Variants in SCTR observed in about 807,000 individuals in gnomAD.
The protein encoded by SCTR is secretin receptor.
In SCTR, 56 loss-of-function variants were observed where a neutral mutation model predicts 60.8. The ratio of observed to expected loss-of-function variants is 0.92; its 90% CI spans 0.74 to 1.15. The LOEUF is 1.15. Among genes scored for constraint, SCTR ranks in the 50% most tolerant of loss-of-function variants. The pLI is 0.00. For synonymous variants in SCTR, 202 were observed against 217.0 expected (o/e 0.93, Z 0.61); for missense variants, 562 against 550.4 (o/e 1.02, Z -0.21).
intron 12 of SCTR, 136 bp from the exon 13 acceptor site, chr2:119,440,393 C>A (rs1682612932): frequency 1.0e-6 from 1 of 965,828 alleles, no homozygotes; most frequent in Non-Finnish European, 1.5e-6. Context: ...GCAGGCCACG[C>A]AGATTGACTG....
In SCTR at chr2:119,465,710, G is replaced by A. The variant is rs1573834582; in HGVS notation, c.503+79C>T. ...AGTTCACTCAGACCTTCCTCTTTCT[G>A]TCCTGGGTGGTTGAGAAGAGACCCA... On this transcript the variant is annotated intron_variant, in intron 5 of 12. Transcript: ENST00000019103. 8 of 947,718 alleles carry A rather than the reference G, an allele frequency of 8.4e-6. No individual in the cohort carries two copies. In the African/African-American group the frequency reaches 9.7e-5, roughly 11 times the overall value. The allele number at this position is 947,718 out of a possible 1,614,324, so 58.7% of individuals were successfully genotyped here.
intron 2 of SCTR, among the ~76,000 whole-genome samples, chr2:119,491,946 C>G (rs941219917): frequency 1.3e-5 from 2 of 152,228 alleles, no homozygotes; most frequent in Non-Finnish European, 2.9e-5. Flanking sequence ...GCTACATGCA[C>G]AGCTATAAAC....
chr2:119,478,966 C>A, intron 2 of SCTR, 48 bp from the exon 3 acceptor site: 1 of 1,611,260 alleles, frequency 6.2e-7, no homozygotes, highest in Non-Finnish European at 8.5e-7. Flanking sequence ...GGACCGAGGG[C>A]TGCCCTACCA....
intron 10 of SCTR, among the ~76,000 whole-genome samples, chr2:119,447,189 T>C (rs1682967772): frequency 6.6e-6 from 1 of 152,068 alleles, no homozygotes; most frequent in Non-Finnish European, 1.5e-5. Flanking sequence ...TACGTGCCTA[T>C]ATCACTGCTG....
intron 1 of SCTR, 101 bp downstream of exon 1, chr2:119,524,054 A>G: frequency 2.3e-6 from 2 of 855,278 alleles, no homozygotes; most frequent in Non-Finnish European, 3.8e-6. Flanking sequence ...TCATGGGAAG[A>G]TCTGCTAGTC....
chr2:119,478,756 A>C (rs41279776), intron 3 of SCTR, 55 bp downstream of exon 3: 223,723 of 1,567,422 alleles, frequency 0.14, 17,495 homozygotes, highest in South Asian at 0.25. Context: ...CTGAGGCCCC[A>C]CCCAGAGGGA....
At chr2:119,459,279 A>G (rs1172698432) in intron 7 of SCTR, among the ~76,000 whole-genome samples, 1 of 152,176 alleles carries the variant, frequency 6.6e-6, no homozygotes, top group Non-Finnish European at 1.5e-5. Flanking sequence ...TTATGTGTTA[A>G]TGGGAAGAAG....
intron 1 of SCTR, among the ~76,000 whole-genome samples, chr2:119,500,243 G>A (rs1333288686): frequency 6.9e-6 from 1 of 145,398 alleles, no homozygotes; most frequent in Non-Finnish European, 1.5e-5. Flanking sequence ...GCAAGGATGA[G>A]AAGAAGGGGA....
At chr2:119,489,250 C>G (rs1204901488) in intron 2 of SCTR, among the ~76,000 whole-genome samples, 1 of 152,214 alleles carries the variant, frequency 6.6e-6, no homozygotes, top group Non-Finnish European at 1.5e-5. Context: ...TAATTTGTGA[C>G]AAGTTGGGCA....
chr2:119,502,725 C>T (rs1356260496), intron 1 of SCTR, among the ~76,000 whole-genome samples: 15 of 151,632 alleles, frequency 9.9e-5, no homozygotes, highest in African/African-American at 3.6e-4. Flanking sequence ...GGCACTGTGG[C>T]TCACACTTGT....
chr2:119,452,222 C>T lies in SCTR; in HGVS notation c.852-143G>A, dbSNP rs1558838482. The stretch of plus-strand genomic sequence containing the variant: ...AGCCCCTGCAGTGGTGTGCCCAGCA[C>T]CATTAGAACACCCCCTCCTGCCACC... On this transcript the variant is annotated intron_variant, in intron 8 of 12. Transcript: ENST00000019103. 6.7e-6 allele frequency: 4 copies of T among 599,942 alleles called. No individual in the cohort carries two copies. In the South Asian group the frequency reaches 8.1e-5, roughly 12 times the overall value. 37.2% of individuals were successfully genotyped at this position (599,942 alleles called of 1,614,324 possible).
Position 119,502,853 on chromosome 2 carries a change from A to G in SCTR, c.73-8305T>C, listed in dbSNP as rs1430338435. Among the ~76,000 whole-genome samples the G allele has an allele frequency of 5.9e-5, 9 of 151,650 alleles. No individual in the cohort carries two copies. In the East Asian group the frequency reaches 1.7e-3, roughly 29 times the overall value. Reference sequence around the variant, plus strand: ...AAAAAAAAAAGAAAGAAAGAAAAGAAAAAAGAAGGCTGGGCATGGTGGCTC... The same window carrying G: ...AAAAAAAAAAGAAAGAAAGAAAAGAGAAAAGAAGGCTGGGCATGGTGGCTC... On this transcript the variant is annotated intron_variant, in intron 1 of 12. Transcript: ENST00000019103.
At chr2:119,500,075 A>G (rs1327606318) in intron 1 of SCTR, among the ~76,000 whole-genome samples, 1 of 152,174 alleles carries the variant, frequency 6.6e-6, no homozygotes, top group East Asian at 1.9e-4. Context: ...AGACATACAA[A>G]TGGCAGCAGG....
chr2:119,484,539 A>ATTCAC (rs1677776174), intron 2 of SCTR, among the ~76,000 whole-genome samples: 1 of 152,146 alleles, frequency 6.6e-6, no homozygotes, highest in Non-Finnish European at 1.5e-5. Flanking sequence ...AACCTCTGTG[A>ATTCAC]GCCTCAGTTT....
At chr2:119,506,476 A>ATTTATTTT in intron 1 of SCTR, among the ~76,000 whole-genome samples, 1 of 150,980 alleles carries the variant, frequency 6.6e-6, no homozygotes, top group South Asian at 2.1e-4. Context: ...TATAATATTT[A>ATTTATTTT]TTTATTTATT....
At position 119,478,810 on chromosome 2, in the gene SCTR, C is replaced by T; in HGVS notation, c.301+1G>A. Reference sequence around the variant, plus strand: ...CCAGGCCCCATGGGCCGAGTGGTTACCATTTCTGCTGGTGAGCATCCGGAG... The same window carrying T: ...CCAGGCCCCATGGGCCGAGTGGTTATCATTTCTGCTGGTGAGCATCCGGAG... On this transcript the variant is annotated splice_donor_variant, in intron 3 of 12. Transcript: ENST00000019103. LOFTEE classifies it high-confidence loss of function. The T allele has an allele frequency of 6.2e-7, 1 of 1,614,168 alleles. No individual in the cohort carries two copies. The highest frequency in any genetic ancestry group is 1.3e-5 in the African/African-American group (1 of 75,054).
At chr2:119,518,887 C>T (rs1429632656) in intron 1 of SCTR, among the ~76,000 whole-genome samples, 2 of 152,060 alleles carry the variant, frequency 1.3e-5, no homozygotes, top group African/African-American at 4.8e-5. Context: ...GACTTCCCAA[C>T]CTGGGTGGGG....
At chr2:119,447,476 C>CT (rs1472379621) in intron 10 of SCTR, among the ~76,000 whole-genome samples, 1 of 152,232 alleles carries the variant, frequency 6.6e-6, no homozygotes, top group Non-Finnish European at 1.5e-5. Flanking sequence ...CCCCAGGAAT[C>CT]TGACACCAAG....
chr2:119,469,620 G>A (rs1676903801), intron 4 of SCTR, among the ~76,000 whole-genome samples: 1 of 152,162 alleles, frequency 6.6e-6, no homozygotes, highest in African/African-American at 2.4e-5. Context: ...CCTCCGAGTA[G>A]CTAAGACTAC....
Sources: allele counts gnomAD v4.1 joint callset (sites outside exome capture counted in the v4.1 genomes callset), GRCh38; gene constraint gnomAD v4.1.1; transcripts MANE v1.5; gene names NCBI Gene and HGNC (gene_info 2026-07-23, HGNC 2026-07-21).